Variants in RAP1GAP2 observed in about 807,000 individuals in gnomAD.
RAP1GAP2 encodes the protein RAP1 GTPase activating protein 2, also known as rap1 GTPase-activating protein 2.
In RAP1GAP2, 27 loss-of-function variants were observed where a neutral mutation model predicts 95.0. The observed-to-expected ratio is 0.28, with a 90% CI of 0.21 to 0.39. The LOEUF is 0.39. Among genes scored for constraint, RAP1GAP2 ranks in the 10% least tolerant of loss-of-function variants. The pLI, the probability that RAP1GAP2 is intolerant of heterozygous loss-of-function variation, is 1.00. For missense variants in RAP1GAP2, 771 were observed against 970.0 expected, an observed-to-expected ratio of 0.79 and a Z score of 2.72; for synonymous variants, 373 against 380.9, an observed-to-expected ratio of 0.98 and a Z score of 0.24.
chr17:2,871,821 C>T lies in RAP1GAP2; in HGVS notation c.81-33463C>T, dbSNP rs1045412304. 3.9e-5 allele frequency among the ~76,000 whole-genome samples: 6 copies of T among 152,168 alleles called. No individual in the cohort carries two copies. Among genetic ancestry groups the T allele is most frequent in the African/African-American group, 7.2e-5 (3 of 41,436 alleles). On this transcript the variant is annotated intron_variant, in intron 2 of 24. Transcript: ENST00000254695. This position sits in a 1 kb window ranked among gnomAD's most constrained non-coding sequence, Gnocchi z 5.0. Reference sequence around the variant, plus strand: ...GAATGACGTAGAATGAGGTCATTCACGGCAATATTATTTGAAATAGCAAAA... The same window carrying T: ...GAATGACGTAGAATGAGGTCATTCATGGCAATATTATTTGAAATAGCAAAA...
rs78491618 is a variant in RAP1GAP2, at chr17:3,029,270, C to T, written c.2108-1652C>T. On this transcript the variant is annotated intron_variant, in intron 22 of 24. Coordinates refer to ENST00000254695, the MANE Select transcript of RAP1GAP2 (RefSeq NM_015085.5). The surrounding 1 kb of genome is among the most constrained non-coding windows in gnomAD (Gnocchi z 4.4). ...GTCTCTGCAGGTTGCTGAAGGTCAC[C>T]GAGGGCGGAAGGGACCTGGAGCGGG... is the stretch of plus-strand genomic sequence containing the variant. Among the ~76,000 whole-genome samples the T allele has an allele frequency of 0.19, 28,759 of 152,152 alleles. 2,872 individuals carry two copies. The highest frequency in any genetic ancestry group is 0.23 in the Middle Eastern group (69 of 294).
chr17:2,917,347 T>A (rs952653844), intron 3 of RAP1GAP2, among the ~76,000 whole-genome samples: 1 of 151,948 alleles, frequency 6.6e-6, no homozygotes, highest in African/African-American at 2.4e-5. Flanking sequence ...CTCGGCTCAC[T>A]GCAACCTCTG....
At chr17:2,933,245 G>A (rs1203730553) in intron 3 of RAP1GAP2, among the ~76,000 whole-genome samples, 3 of 152,202 alleles carry the variant, frequency 2.0e-5, no homozygotes, top group Non-Finnish European at 2.9e-5. Context: ...GTGAGGGAGG[G>A]GGCCAGCTGT....
chr17:2,937,691 A>C (rs1471029826), intron 3 of RAP1GAP2, among the ~76,000 whole-genome samples: 2 of 152,168 alleles, frequency 1.3e-5, no homozygotes. Flanking sequence ...TTATGTCAGA[A>C]TTTTGAGTTG....
At position 2,815,605 on chromosome 17, in the gene RAP1GAP2, T is replaced by C. The variant is rs1034949203; in HGVS notation, c.80+15055T>C. Among the ~76,000 whole-genome samples, 5 of 151,794 alleles carry C rather than the reference T, an allele frequency of 3.3e-5. No individual in the cohort carries two copies. In the East Asian group the frequency reaches 7.8e-4, roughly 24 times the overall value. On this transcript the variant is annotated intron_variant, in intron 2 of 24. Coordinates refer to ENST00000254695, the MANE Select transcript of RAP1GAP2 (RefSeq NM_015085.5). ...CAAGCGATTCTCCTGTCTCAGCCTC[T>C]TGAGTAGCTGGGATTACAGGCGCGC...
chr17:2,834,055 C>G (rs1038784692), intron 2 of RAP1GAP2, among the ~76,000 whole-genome samples: 10 of 152,152 alleles, frequency 6.6e-5, no homozygotes, highest in Non-Finnish European at 1.3e-4. Flanking sequence ...CTGCACCCGC[C>G]TGGTGTCTTT....
chr17:2,848,007 C>G (rs2071662385), intron 2 of RAP1GAP2, among the ~76,000 whole-genome samples: 2 of 152,214 alleles, frequency 1.3e-5, no homozygotes, highest in Admixed American at 6.5e-5. Flanking sequence ...TTTTAAATAA[C>G]TTCAGTAACC....
upstream of RAP1GAP2, among the ~76,000 whole-genome samples, chr17:2,773,811 G>A (rs2068442526): frequency 2.0e-5 from 3 of 151,896 alleles, no homozygotes; most frequent in South Asian, 6.2e-4. Context: ...AGGCTGGAGT[G>A]CAATGGTGCC....
At chr17:2,804,702 G>A (rs1467013319) in intron 2 of RAP1GAP2, among the ~76,000 whole-genome samples, 1 of 152,214 alleles carries the variant, frequency 6.6e-6, no homozygotes, top group African/African-American at 2.4e-5. Context: ...TGGACACTCA[G>A]AAGCAAGGAT....
intron 2 of RAP1GAP2, among the ~76,000 whole-genome samples, chr17:2,821,120 G>A (rs902790787): frequency 6.6e-6 from 1 of 151,922 alleles, no homozygotes; most frequent in African/African-American, 2.4e-5. Flanking sequence ...TCAGATCGCT[G>A]TGTCTGAGCC....
intron 4 of RAP1GAP2, chr17:2,962,164 A>G (rs2151484259): frequency 6.3e-6 from 1 of 159,560 alleles, no homozygotes; most frequent in South Asian, 1.7e-4. Flanking sequence ...GGCCTCCCAA[A>G]GTGCTGCGAT....
chr17:2,906,271 C>G lies in RAP1GAP2; in HGVS notation c.165+903C>G, dbSNP rs1023962600. Reference sequence around the variant, plus strand: ...CAGGCATCTCTTCCTCACTGCTCTGCATCACCCCTCCTCTTCCCTGAACCT... The same window carrying G: ...CAGGCATCTCTTCCTCACTGCTCTGGATCACCCCTCCTCTTCCCTGAACCT... On this transcript the variant is annotated intron_variant, in intron 3 of 24. Coordinates refer to ENST00000254695, the MANE Select transcript of RAP1GAP2 (RefSeq NM_015085.5). This position sits in a 1 kb window ranked among gnomAD's most constrained non-coding sequence, Gnocchi z 4.3. 1.3e-5 allele frequency among the ~76,000 whole-genome samples: 2 copies of G among 152,224 alleles called. No individual in the cohort carries two copies. The highest frequency in any genetic ancestry group is 4.8e-5 in the African/African-American group (2 of 41,456).
intron 1 of RAP1GAP2, among the ~76,000 whole-genome samples, chr17:2,759,217 T>A (rs995698975): frequency 6.6e-6 from 1 of 152,182 alleles, no homozygotes; most frequent in Non-Finnish European, 1.5e-5. Flanking sequence ...ACAAGCATTG[T>A]GGCAAAGAAC....
At chr17:2,874,579 G>C (rs937626721) in intron 2 of RAP1GAP2, among the ~76,000 whole-genome samples, 49 of 152,180 alleles carry the variant, frequency 3.2e-4, no homozygotes, top group Admixed American at 1.2e-3. Context: ...AGGTGGAAAA[G>C]GGGGAGGGAG....
At position 2,980,305 on chromosome 17, in the gene RAP1GAP2, A is replaced by G. The variant is rs1208325630; in HGVS notation, c.615A>G (p.Val205=). The part of the protein sequence containing the change: ...RVILRSKLKT[V]HERIPLAGLS... ...TGTGCAGGTCCAAACTGAAGACGGT[A>G]CATGAGCGGATCCCCTTGGCTGGAC... The change falls in exon 9 of 25, where the codon GTA becomes GTG. Residue 205 remains valine, a synonymous_variant. Coordinates refer to ENST00000254695, the MANE Select transcript of RAP1GAP2 (RefSeq NM_015085.5). 5 of 1,613,736 alleles carry G rather than the reference A, an allele frequency of 3.1e-6. No individual in the cohort carries two copies. In the East Asian group the frequency reaches 1.1e-4, roughly 36 times the overall value.
intron 3 of RAP1GAP2, among the ~76,000 whole-genome samples, chr17:2,928,898 C>A (rs190586529): frequency 6.6e-6 from 1 of 152,004 alleles, no homozygotes; most frequent in Non-Finnish European, 1.5e-5. Flanking sequence ...TCCTGAGAGA[C>A]CCAGGGGCTG....
chr17:2,827,637 CT>C lies in RAP1GAP2; in HGVS notation c.80+27088del, dbSNP rs1304264637. ...AGCCTGGATAACATGGTGAAACCCCCTCTCTACTAAAAATACAAAAATTAGC... is the reference window on the plus strand; with the variant it reads ...AGCCTGGATAACATGGTGAAACCCCCCTCTACTAAAAATACAAAAATTAGC... On this transcript the variant is annotated intron_variant, in intron 2 of 24. Transcript: ENST00000254695. This position sits in a 1 kb window ranked among gnomAD's most constrained non-coding sequence, Gnocchi z 4.1. Among the ~76,000 whole-genome samples the C allele has an allele frequency of 1.3e-5, 2 of 151,036 alleles. No individual in the cohort carries two copies. Among genetic ancestry groups the C allele is most frequent in the South Asian group, 2.1e-4 (1 of 4,760 alleles).
chr17:2,762,397 CTTTTT>C (rs71150894), intron 1 of RAP1GAP2, among the ~76,000 whole-genome samples: 2 of 124,204 alleles, frequency 1.6e-5, no homozygotes, highest in Admixed American at 8.4e-5. Flanking sequence ...TTTTTTCTTT[CTTTTT>C]TTTTTTTTTT....
At chr17:2,905,831 G>C (rs2042179828) in intron 3 of RAP1GAP2, among the ~76,000 whole-genome samples, 1 of 152,182 alleles carries the variant, frequency 6.6e-6, no homozygotes, top group Non-Finnish European at 1.5e-5. Flanking sequence ...TCGGGTCGGG[G>C]TGGCAGTTAT....
Sources: allele counts gnomAD v4.1 joint callset (sites outside exome capture counted in the v4.1 genomes callset), GRCh38; gene constraint gnomAD v4.1.1; non-coding constraint Gnocchi (gnomAD v3.1); transcripts MANE v1.5; gene names NCBI Gene and HGNC (gene_info 2026-07-23, HGNC 2026-07-21).